The following ZNF804B variants were observed in gnomAD, a reference collection of about 807,000 sequenced individuals.
ZNF804B encodes the protein zinc finger protein 804B.
ZNF804B carries 80 observed loss-of-function variants against 101.4 expected under a neutral mutation model. That is an observed-to-expected ratio of 0.79 (90% CI 0.66 to 0.95). The LOEUF is 0.95. ZNF804B is among the 40% of genes least tolerant of loss of function. The probability of loss-of-function intolerance (pLI) is 0.00; values close to 1 mark genes in which losing one functional copy is unlikely to be tolerated. For missense variants in ZNF804B, 1,673 were observed against 1,561.9 expected, an observed-to-expected ratio of 1.07 and a Z score of -1.20; for synonymous variants, 622 against 558.8, an observed-to-expected ratio of 1.11 and a Z score of -1.59.
intron 1 of ZNF804B, among the ~76,000 whole-genome samples, chr7:88,918,208 T>G (rs1343417391): frequency 6.6e-6 from 1 of 152,154 alleles, no homozygotes; most frequent in Non-Finnish European, 1.5e-5. Flanking sequence ...GATCTAGTAT[T>G]CATGGTTCAA....
chr7:88,798,676 C>A (rs1790530423), intron 1 of ZNF804B, among the ~76,000 whole-genome samples: 1 of 152,098 alleles, frequency 6.6e-6, no homozygotes, highest in African/African-American at 2.4e-5. Context: ...CAATCACACT[C>A]TGAACTGTCA....
intron 2 of ZNF804B, among the ~76,000 whole-genome samples, chr7:89,225,299 A>T (rs1341237888): frequency 6.6e-6 from 1 of 152,130 alleles, no homozygotes; most frequent in African/African-American, 2.4e-5. Context: ...ATATCTACAA[A>T]CACTACAAGT....
chr7:88,952,980 A>G (rs1183890224), intron 1 of ZNF804B, among the ~76,000 whole-genome samples: 1 of 151,764 alleles, frequency 6.6e-6, no homozygotes, highest in Non-Finnish European at 1.5e-5. Context: ...CTGTTAACCT[A>G]TTATATAAAA....
chr7:89,004,197 A>C (rs1240091929), intron 1 of ZNF804B, among the ~76,000 whole-genome samples: 2 of 151,900 alleles, frequency 1.3e-5, no homozygotes, highest in Admixed American at 1.3e-4. Flanking sequence ...AAAATTAAAC[A>C]ATCTATAAAT....
At chr7:88,997,722 T>G (rs1158585725) in intron 1 of ZNF804B, among the ~76,000 whole-genome samples, 1 of 152,094 alleles carries the variant, frequency 6.6e-6, no homozygotes, top group Non-Finnish European at 1.5e-5. Context: ...TTATTTCTAT[T>G]GTTCACAGAT....
intron 1 of ZNF804B, among the ~76,000 whole-genome samples, chr7:88,804,923 T>G (rs1009969420): frequency 6.6e-6 from 1 of 152,144 alleles, no homozygotes; most frequent in African/African-American, 2.4e-5. Flanking sequence ...TGATTTCAAG[T>G]TGCTTACTTG....
chr7:89,134,978 G>C lies in ZNF804B; in HGVS notation c.109-83177G>C, dbSNP rs922488848. Among the ~76,000 whole-genome samples the C allele has an allele frequency of 3.3e-5, 5 of 152,102 alleles. No individual in the cohort carries two copies. In the East Asian group the frequency reaches 5.8e-4, roughly 18 times the overall value. ...ACTCCTTTCAATAAATATTTCAGTG[G>C]TGGAAAAAGAGATATTTGAACCGTA... On this transcript the variant is annotated intron_variant, in intron 1 of 3. Transcript: ENST00000333190.
Position 89,234,853 on chromosome 7 carries a change from A to G in ZNF804B, c.249+16558A>G, listed in dbSNP as rs545071735. ...TGTCTTTCCTGATTCTAAAGCTTTC[A>G]GACTAGGACTGATCCATGCCACTGG... On this transcript the variant is annotated intron_variant, in intron 2 of 3. Coordinates refer to ENST00000333190, the MANE Select transcript of ZNF804B (RefSeq NM_181646.5). Among the ~76,000 whole-genome samples, 3 of 152,226 alleles carry G rather than the reference A, an allele frequency of 2.0e-5. 1 individual carries two copies. Among genetic ancestry groups the G allele is most frequent in the Admixed American group, 6.5e-5 (1 of 15,290 alleles).
intron 2 of ZNF804B, among the ~76,000 whole-genome samples, chr7:89,260,497 A>T (rs577353165): frequency 6.6e-6 from 1 of 152,166 alleles, no homozygotes; most frequent in Admixed American, 6.6e-5. Flanking sequence ...GACATTTTGT[A>T]AAGCCTAAAG....
chr7:89,124,674 A>T (rs1045094652), intron 1 of ZNF804B, among the ~76,000 whole-genome samples: 1 of 152,166 alleles, frequency 6.6e-6, no homozygotes, highest in African/African-American at 2.4e-5. Flanking sequence ...AAAATAGGTG[A>T]TTATGATTTT....
At chr7:89,149,538 C>T (rs150816449) in intron 1 of ZNF804B, among the ~76,000 whole-genome samples, 1 of 152,130 alleles carries the variant, frequency 6.6e-6, no homozygotes, top group African/African-American at 2.4e-5. Context: ...TATGCACAGG[C>T]AGTTTTATTT....
In ZNF804B at chr7:89,335,005, G is replaced by A. The variant is rs1791053540; in HGVS notation, c.2023G>A (p.Val675Ile). 1 of 1,613,874 alleles carries A rather than the reference G, an allele frequency of 6.2e-7. No individual in the cohort carries two copies. The highest frequency in any genetic ancestry group is 8.5e-7 in the Non-Finnish European group (1 of 1,179,912). ...GHSDHGKDFSVILKSNHISMT... is the reference protein window; with the variant it reads ...GHSDHGKDFSIILKSNHISMT... ...CAGTGACCATGGGAAAGACTTCAGT[G>A]TAATTTTGAAGAGTAACCACATCAG... The change falls in exon 4 of 4, where the codon GTA (valine) becomes ATA (isoleucine). Residue 675 changes from valine to isoleucine, a missense_variant. Val to Ile is a conservative substitution (Grantham distance 29, BLOSUM62 3). Coordinates refer to ENST00000333190, the MANE Select transcript of ZNF804B (RefSeq NM_181646.5).
chr7:89,137,485 CA>C lies in ZNF804B; in HGVS notation c.109-80667del, dbSNP rs1790654860. Among the ~76,000 whole-genome samples, 5 of 152,120 alleles carry C rather than the reference CA, an allele frequency of 3.3e-5. No homozygotes were observed. In the South Asian group the frequency reaches 1.0e-3, roughly 32 times the overall value. ...AAAGGTGACTCTTGTTATGTTTTAG[CA>C]AAGAGACTGGCAGCATTTTGTCCCT... On this transcript the variant is annotated intron_variant, in intron 1 of 3. Transcript: ENST00000333190.
At chr7:89,279,838 C>G (rs1324286133) in intron 2 of ZNF804B, among the ~76,000 whole-genome samples, 1 of 151,962 alleles carries the variant, frequency 6.6e-6, no homozygotes, top group Non-Finnish European at 1.5e-5. Flanking sequence ...CTCTGCCAGG[C>G]TTTGGTATCA....
chr7:88,845,177 A>G (rs999835837), intron 1 of ZNF804B, among the ~76,000 whole-genome samples: 1 of 152,226 alleles, frequency 6.6e-6, no homozygotes, highest in Non-Finnish European at 1.5e-5. Flanking sequence ...GTTCTGTTTT[A>G]ATCTATTACG....
At chr7:88,981,246 C>T (rs376440404) in intron 1 of ZNF804B, among the ~76,000 whole-genome samples, 126 of 152,176 alleles carry the variant, frequency 8.3e-4, no homozygotes, top group Non-Finnish European at 1.6e-3. Flanking sequence ...GAGTACTTCC[C>T]TTCAAGGCAG....
At chr7:89,044,595 A>G (rs1394897853) in intron 1 of ZNF804B, among the ~76,000 whole-genome samples, 2 of 152,172 alleles carry the variant, frequency 1.3e-5, no homozygotes, top group Non-Finnish European at 2.9e-5. Context: ...GACATGGACA[A>G]TGAAGTCCAG....
intron 1 of ZNF804B, among the ~76,000 whole-genome samples, chr7:88,919,438 A>G (rs114351348): frequency 0.01 from 1,594 of 152,248 alleles, 22 homozygotes; most frequent in African/African-American, 0.036. Context: ...AAAGGAGCCT[A>G]TACATTGAGA....
intron 1 of ZNF804B, among the ~76,000 whole-genome samples, chr7:89,089,925 G>A (rs961202609): frequency 1.3e-5 from 2 of 152,008 alleles, no homozygotes; most frequent in Non-Finnish European, 2.9e-5. Context: ...AGAACCCAAA[G>A]ATCTATGTGT....
Sources: gnomAD v4.1 joint callset for allele counts (sites outside exome capture counted in the v4.1 genomes callset) on GRCh38, gnomAD v4.1.1 for gene constraint, MANE v1.5 for transcripts, NCBI Gene and HGNC (gene_info 2026-07-23, HGNC 2026-07-21) for gene names.